Variants in RHOQ observed in about 807,000 individuals in gnomAD.
RHOQ encodes the protein ras homolog family member Q.
Under a neutral mutation model 25.8 loss-of-function variants are expected in RHOQ, and 7 were observed. The observed-to-expected ratio is 0.27, with a 90% confidence interval of 0.15 to 0.51. RHOQ has a LOEUF of 0.51. Ranked by LOEUF, RHOQ falls within the 20% of genes least tolerant of loss-of-function variation. RHOQ has a pLI of 0.97. For missense variants in RHOQ, 165 were observed against 260.6 expected, an observed-to-expected ratio of 0.63 and a Z score of 2.53; for synonymous variants, 97 against 98.6, an observed-to-expected ratio of 0.98 and a Z score of 0.10.
rs560665034 is a variant in RHOQ at position 46,552,929 on chromosome 2, C to T, written c.201+9117C>T. ...GTTAAGTTGAGTAAGGTTGTTTCCACGAAAGTTGTTTTTTAGCTGGAGAAA... is the reference window on the plus strand; with the variant it reads ...GTTAAGTTGAGTAAGGTTGTTTCCATGAAAGTTGTTTTTTAGCTGGAGAAA... On this transcript the variant is annotated intron_variant, in intron 2 of 4. Coordinates refer to ENST00000238738, the MANE Select transcript of RHOQ (RefSeq NM_012249.4). The surrounding 1 kb of genome is among the most constrained non-coding windows in gnomAD (Gnocchi z 5.0). Among the ~76,000 whole-genome samples, 2 of 152,292 alleles carry T rather than the reference C, an allele frequency of 1.3e-5. No homozygotes were observed. The highest frequency in any genetic ancestry group is 1.9e-4 in the East Asian group (1 of 5,188).
chr2:46,546,617 G>C (rs530266633), intron 2 of RHOQ, among the ~76,000 whole-genome samples: 32 of 147,868 alleles, frequency 2.2e-4, no homozygotes, highest in African/African-American at 8.0e-4. Flanking sequence ...CTCCACCTTA[G>C]CTAGTCATGT....
At chr2:46,559,852 G>C (rs1248013090) in intron 2 of RHOQ, among the ~76,000 whole-genome samples, 3 of 152,152 alleles carry the variant, frequency 2.0e-5, no homozygotes, top group Non-Finnish European at 4.4e-5. Flanking sequence ...TCTGCCCGAG[G>C]GATTCATCCT....
At chr2:46,568,946 G>A (rs780004527) in intron 2 of RHOQ, 1 of 152,244 alleles carries the variant, frequency 6.6e-6, no homozygotes, top group African/African-American at 2.4e-5. Context: ...ACATGGAAAT[G>A]TGACCAGACA....
At chr2:46,553,570 A>G (rs887618537) in intron 2 of RHOQ, among the ~76,000 whole-genome samples, 2 of 151,576 alleles carry the variant, frequency 1.3e-5, no homozygotes, top group Admixed American at 1.3e-4. Context: ...AAATAGTGTC[A>G]TGTCTTTTTC....
chr2:46,582,977 T>C lies in RHOQ; in HGVS notation c.*1894T>C, dbSNP rs997954476. On this transcript the variant is annotated 3_prime_UTR_variant, in exon 5 of 5. Transcript: ENST00000238738. ...TTATGTATGCTCAAATGGAATCTTA[T>C]GTAACTTTCTTATTTAATTTTGGTC... 6.6e-6 allele frequency: 1 copy of C among 152,200 alleles called. No individual in the cohort carries two copies. Among genetic ancestry groups the C allele is most frequent in the African/African-American group, 2.4e-5 (1 of 41,464 alleles). 9.4% of individuals were successfully genotyped at this position (152,200 alleles called of 1,614,324 possible). A position where few individuals can be genotyped will look rare whatever the true frequency, so the allele number is the denominator to read the frequency against.
intron 2 of RHOQ, among the ~76,000 whole-genome samples, chr2:46,559,259 G>A (rs1368541018): frequency 6.6e-6 from 1 of 152,144 alleles, no homozygotes; most frequent in Non-Finnish European, 1.5e-5. Flanking sequence ...GCCTCTCAAA[G>A]TTTTGGAATT....
intron 2 of RHOQ, among the ~76,000 whole-genome samples, chr2:46,570,389 G>A (rs1248421614): frequency 4.6e-5 from 7 of 151,806 alleles, no homozygotes; most frequent in African/African-American, 9.7e-5. Flanking sequence ...GCAGTGAGCC[G>A]AGATTGTGCT....
intron 2 of RHOQ, among the ~76,000 whole-genome samples, chr2:46,549,448 C>T (rs1047482747): frequency 6.6e-6 from 1 of 152,092 alleles, no homozygotes; most frequent in African/African-American, 2.4e-5. Flanking sequence ...TAGCTCTCCA[C>T]GGGGGTGTCC....
Position 46,542,849 on chromosome 2 carries a change from G to C in RHOQ, c.-198G>C, listed in dbSNP as rs1204656621. The C allele has an allele frequency of 6.5e-6, 1 of 152,908 alleles. No homozygotes were observed. Among genetic ancestry groups the C allele is most frequent in the Non-Finnish European group, 1.4e-5 (1 of 71,748 alleles). The allele number at this position is 152,908 out of a possible 1,614,324, so 9.5% of individuals were successfully genotyped here. On this transcript the variant is annotated 5_prime_UTR_variant, in exon 1 of 5. Transcript: ENST00000238738. ...GGGCCGGGGCGGGGATCCGGGCGGC[G>C]ACCGCGGCGGCGGCAGCGCCCCGGG...
At chr2:46,570,722 C>T (rs950960252) in intron 2 of RHOQ, among the ~76,000 whole-genome samples, 1 of 152,220 alleles carries the variant, frequency 6.6e-6, no homozygotes, top group African/African-American at 2.4e-5. Flanking sequence ...TGCTACTGCA[C>T]AGACCACAAA....
intron 4 of RHOQ, chr2:46,577,253 C>G (rs1002465276): frequency 1.7e-4 from 26 of 152,206 alleles, no homozygotes; most frequent in African/African-American, 6.0e-4. Context: ...CATGCAATAC[C>G]TTGTAGCTTA....
intron 2 of RHOQ, among the ~76,000 whole-genome samples, chr2:46,545,566 T>A (rs1415283621): frequency 6.6e-6 from 1 of 152,216 alleles, no homozygotes; most frequent in Non-Finnish European, 1.5e-5. Flanking sequence ...AGGTGGTATT[T>A]CATCTTTGCG....
intron 1 of RHOQ, chr2:46,543,495 G>A (rs1009676568): frequency 2.2e-5 from 13 of 600,738 alleles, no homozygotes; most frequent in Middle Eastern, 4.5e-4. Context: ...GGCCCCGGGG[G>A]AAATATTCGA....
intron 2 of RHOQ, among the ~76,000 whole-genome samples, chr2:46,547,417 G>C (rs1668106429): frequency 6.6e-6 from 1 of 152,224 alleles, no homozygotes; most frequent in South Asian, 2.1e-4. Flanking sequence ...CTTTCCACTT[G>C]ACCTCTGCTG....
rs1039884171 is a variant in RHOQ, at chr2:46,576,604, A to T, written c.410A>T (p.Asp137Val). ...CCCAAAACTTTAGCAAGACTGAATG[A>T]TATGAAAGAAAAACCTATATGTGTG... ...DDPKTLARLN[D>V]MKEKPICVEQ... is the part of the protein sequence containing the mutation. The change falls in exon 4 of 5, where the codon GAT (aspartate) becomes GTT (valine). Residue 137 changes from aspartate to valine, a missense_variant. Physicochemically the swap from Asp to Val is radical, Grantham distance 152. Transcript: ENST00000238738. This position sits in a 1 kb window ranked among gnomAD's most constrained non-coding sequence, Gnocchi z 5.1. The T allele has an allele frequency of 6.8e-6, 11 of 1,611,386 alleles. No individual in the cohort carries two copies. In the Admixed American group the frequency reaches 8.4e-5, roughly 12 times the overall value.
intron 2 of RHOQ, among the ~76,000 whole-genome samples, chr2:46,565,540 C>T (rs988910180): frequency 2.0e-5 from 3 of 152,180 alleles, no homozygotes; most frequent in African/African-American, 4.8e-5. Context: ...AAAAATGGCC[C>T]TGCTCACAGG....
At chr2:46,558,140 A>G (rs1668461353) in intron 2 of RHOQ, among the ~76,000 whole-genome samples, 1 of 152,196 alleles carries the variant, frequency 6.6e-6, no homozygotes, top group Non-Finnish European at 1.5e-5. Context: ...TTTTGCAGCC[A>G]TCCCTCCTGC....
Position 46,548,459 on chromosome 2 carries a change from C to A in RHOQ, c.201+4647C>A, listed in dbSNP as rs1461985160. 6.6e-6 allele frequency among the ~76,000 whole-genome samples: 1 copy of A among 152,232 alleles called. No homozygotes were observed. Among genetic ancestry groups the A allele is most frequent in the Admixed American group, 6.5e-5 (1 of 15,284 alleles). ...CTCCAGGCAAGTCATCCTCACAACA[C>A]CCTTCAAGGTAGACTTCTCCCAGAT... On this transcript the variant is annotated intron_variant, in intron 2 of 4. Transcript: ENST00000238738. This position sits in a 1 kb window ranked among gnomAD's most constrained non-coding sequence, Gnocchi z 5.2.
chr2:46,568,295 A>C (rs1160520831), intron 2 of RHOQ: 3 of 152,180 alleles, frequency 2.0e-5, no homozygotes, highest in Non-Finnish European at 4.4e-5. Flanking sequence ...TTAGAAACAG[A>C]AACGATGTCT....
Sources: allele counts gnomAD v4.1 joint callset (sites outside exome capture counted in the v4.1 genomes callset), GRCh38; gene constraint gnomAD v4.1.1; non-coding constraint Gnocchi (gnomAD v3.1); transcripts MANE v1.5; gene names NCBI Gene and HGNC (gene_info 2026-07-23, HGNC 2026-07-21).